Variants in CCDC91 observed in about 807,000 individuals in gnomAD.
CCDC91 encodes the protein coiled-coil domain containing 91, also known as coiled-coil domain-containing protein 91.
Under a neutral mutation model 63.2 loss-of-function variants are expected in CCDC91, and 48 were observed. The ratio of observed to expected loss-of-function variants is 0.76; its 90% CI spans 0.60 to 0.97. CCDC91 has a LOEUF of 0.97. Ranked by LOEUF, CCDC91 falls within the 50% of genes least tolerant of loss-of-function variation. The pLI, the probability that CCDC91 is intolerant of heterozygous loss-of-function variation, is 0.00. For missense variants in CCDC91, 500 were observed against 494.6 expected (o/e 1.01, Z -0.10); for synonymous variants, 167 against 165.8 (o/e 1.01, Z -0.06).
At chr12:28,515,580 A>T (rs1397727808) in intron 12 of CCDC91, among the ~76,000 whole-genome samples, 1 of 151,942 alleles carries the variant, frequency 6.6e-6, no homozygotes, top group Admixed American at 6.6e-5. Context: ...TAGAAAATAC[A>T]TAGGAGAGTG....
At chr12:28,277,618 A>C (rs1286788003) in intron 3 of CCDC91, among the ~76,000 whole-genome samples, 1 of 152,038 alleles carries the variant, frequency 6.6e-6, no homozygotes, top group Non-Finnish European at 1.5e-5. Flanking sequence ...AAGCATTTTG[A>C]GTAAGGAGTA....
At chr12:28,224,427 A>AG (rs772477993) in intron 1 of CCDC91, among the ~76,000 whole-genome samples, 1 of 152,096 alleles carries the variant, frequency 6.6e-6, no homozygotes, top group African/African-American at 2.4e-5. Flanking sequence ...ATACTGGTAT[A>AG]GGGGGGAGTA....
chr12:28,378,460 A>C (rs1226498987), intron 7 of CCDC91, among the ~76,000 whole-genome samples: 1 of 152,048 alleles, frequency 6.6e-6, no homozygotes, highest in African/African-American at 2.4e-5. Context: ...GTGTAGAGTT[A>C]CTTGTATTGT....
chr12:28,458,610 C>T (rs1950169702), intron 11 of CCDC91, among the ~76,000 whole-genome samples: 1 of 151,762 alleles, frequency 6.6e-6, no homozygotes, highest in African/African-American at 2.4e-5. Flanking sequence ...GCTGCAACTA[C>T]AGGTGCACAC....
At chr12:28,342,710 G>C (rs1245905405) in intron 6 of CCDC91, among the ~76,000 whole-genome samples, 2 of 152,116 alleles carry the variant, frequency 1.3e-5, no homozygotes, top group Non-Finnish European at 2.9e-5. Flanking sequence ...TAAGTATGGG[G>C]TGTTATCTTT....
chr12:28,499,585 T>A (rs1182388911), intron 12 of CCDC91, among the ~76,000 whole-genome samples: 2 of 151,944 alleles, frequency 1.3e-5, no homozygotes, highest in Admixed American at 6.6e-5. Context: ...AACTCCCACT[T>A]ATGAGTGAGA....
chr12:28,267,651 A>G (rs1207010291), intron 3 of CCDC91, among the ~76,000 whole-genome samples: 2 of 113,496 alleles, frequency 1.8e-5, no homozygotes, highest in Middle Eastern at 5.5e-3. Context: ...TAATATATAT[A>G]CCCAATTAAT....
chr12:28,247,261 A>G (rs929814298), intron 1 of CCDC91, among the ~76,000 whole-genome samples: 3 of 152,210 alleles, frequency 2.0e-5, no homozygotes, highest in East Asian at 3.9e-4. Context: ...CCGGTGGATC[A>G]TGAGGTCAGG....
intron 7 of CCDC91, among the ~76,000 whole-genome samples, chr12:28,366,891 A>G (rs1944311204): frequency 6.6e-6 from 1 of 152,068 alleles, no homozygotes; most frequent in African/African-American, 2.4e-5. Flanking sequence ...ATGTCCAGAA[A>G]TAACAAGGAG....
chr12:28,289,374 T>C (rs1949082987), intron 3 of CCDC91, among the ~76,000 whole-genome samples: 1 of 152,168 alleles, frequency 6.6e-6, no homozygotes, highest in African/African-American at 2.4e-5. Context: ...GATTCTGGTA[T>C]GTTGTATCTT....
chr12:28,227,080 G>T (rs1217811526), intron 1 of CCDC91, among the ~76,000 whole-genome samples: 1 of 152,078 alleles, frequency 6.6e-6, no homozygotes, highest in African/African-American at 2.4e-5. Context: ...TGTATCAAGG[G>T]TACTTACTAT....
intron 8 of CCDC91, among the ~76,000 whole-genome samples, chr12:28,413,969 G>T (rs1305246586): frequency 6.6e-6 from 1 of 152,108 alleles, no homozygotes; most frequent in Non-Finnish European, 1.5e-5. Flanking sequence ...TTGCCTGTTA[G>T]ATAACACATT....
intron 1 of CCDC91, among the ~76,000 whole-genome samples, chr12:28,212,086 C>T (rs11049465): frequency 0.21 from 31,302 of 152,030 alleles, 4,224 homozygotes; most frequent in Non-Finnish European, 0.31. Context: ...GAGAACTTAC[C>T]GCAATCCCCA....
intron 6 of CCDC91, among the ~76,000 whole-genome samples, chr12:28,309,810 G>A (rs1489290004): frequency 2.6e-5 from 4 of 152,008 alleles, no homozygotes; most frequent in Non-Finnish European, 5.9e-5. Context: ...TTGCTCAAAT[G>A]CTACTCTTGT....
chr12:28,496,092 C>G (rs886260613), intron 12 of CCDC91, among the ~76,000 whole-genome samples: 1 of 151,614 alleles, frequency 6.6e-6, no homozygotes, highest in African/African-American at 2.4e-5. Context: ...CTGCTTTCAT[C>G]TGACTAAGCA....
intron 6 of CCDC91, among the ~76,000 whole-genome samples, chr12:28,336,468 G>A (rs1941992306): frequency 6.6e-6 from 1 of 152,076 alleles, no homozygotes; most frequent in African/African-American, 2.4e-5. Context: ...GATTTTTGTA[G>A]TTATGGTTAC....
chr12:28,516,700 C>T (rs1433347216), intron 12 of CCDC91, among the ~76,000 whole-genome samples: 1 of 151,880 alleles, frequency 6.6e-6, no homozygotes, highest in African/African-American at 2.4e-5. Flanking sequence ...TGGTGAAGGC[C>T]TTCTTGCTGC....
At chr12:28,230,695 G>A (rs1289249393) in intron 1 of CCDC91, among the ~76,000 whole-genome samples, 1 of 152,096 alleles carries the variant, frequency 6.6e-6, no homozygotes, top group Non-Finnish European at 1.5e-5. Context: ...TGTGATCATG[G>A]CTCACTGCAG....
intron 7 of CCDC91, among the ~76,000 whole-genome samples, 158 bp downstream of exon 7, chr12:28,362,673 C>G (rs558915069): frequency 9.9e-5 from 15 of 152,250 alleles, no homozygotes; most frequent in African/African-American, 3.6e-4. Context: ...TGAAAGCATA[C>G]TCAGTGGATT....
Sources: allele counts gnomAD v4.1 joint callset (sites outside exome capture counted in the v4.1 genomes callset), GRCh38; gene constraint gnomAD v4.1.1; transcripts MANE v1.5; gene names NCBI Gene and HGNC (gene_info 2026-07-23, HGNC 2026-07-21).